Variants in RYR2 observed in about 807,000 individuals in gnomAD.
RYR2 encodes ryanodine receptor 2, also known as cardiac muscle ryanodine receptor-calcium release channel.
Under a neutral mutation model 601.1 loss-of-function variants are expected in RYR2, and 227 were observed. The ratio of observed to expected loss-of-function variants is 0.38; its 90% CI spans 0.34 to 0.42. The LOEUF is 0.42. Among genes scored for constraint, RYR2 ranks in the 10% least tolerant of loss-of-function variants. The probability of loss-of-function intolerance (pLI) is 1.00; values close to 1 mark genes in which losing one functional copy is unlikely to be tolerated. For missense variants in RYR2, 4,646 were observed against 6,156.5 expected (o/e 0.75, Z 8.21); for synonymous variants, 2,223 against 2,175.1 (o/e 1.02, Z -0.61).
At chr1:237,139,552 T>C (rs566260687) in intron 1 of RYR2, among the ~76,000 whole-genome samples, 189 of 152,322 alleles carry the variant, frequency 1.2e-3, no homozygotes, top group African/African-American at 4.5e-3. Context: ...GAGATCATAG[T>C]CTTACATGAT....
intron 1 of RYR2, among the ~76,000 whole-genome samples, chr1:237,165,778 G>T (rs1407122768): frequency 2.0e-5 from 3 of 152,018 alleles, no homozygotes; most frequent in Non-Finnish European, 2.9e-5. Context: ...GAGGCGGGAG[G>T]ATCACTTGAG....
At chr1:237,588,286 T>A (rs548629970) in intron 29 of RYR2, among the ~76,000 whole-genome samples, 2 of 152,338 alleles carry the variant, frequency 1.3e-5, no homozygotes, top group African/African-American at 2.4e-5. Context: ...TTATGAATTA[T>A]TGGATGTAAT....
intron 1 of RYR2, among the ~76,000 whole-genome samples, chr1:237,191,162 A>C (rs1472675740): frequency 6.6e-6 from 1 of 152,112 alleles, no homozygotes; most frequent in African/African-American, 2.4e-5. Flanking sequence ...CATTTTGTTG[A>C]AGAGACTGTC....
chr1:237,565,217 TTCTTTCTTTTG>T (rs1671933324), intron 27 of RYR2, among the ~76,000 whole-genome samples: 2 of 142,118 alleles, frequency 1.4e-5, no homozygotes, highest in South Asian at 2.2e-4. Context: ...CTTTCTTTCT[TTCTTTCTTTTG>T]TCTTTCTTTC....
At chr1:237,779,927 G>A (rs1220626669) in intron 88 of RYR2, among the ~76,000 whole-genome samples, 2 of 151,966 alleles carry the variant, frequency 1.3e-5, no homozygotes, top group Non-Finnish European at 2.9e-5. Context: ...GTTCATTGGT[G>A]TAAATGTGAT....
Position 237,717,191 on chromosome 1 carries a change from T to G in RYR2, c.10324-7T>G. The G allele has an allele frequency of 6.2e-7, 1 of 1,612,930 alleles. No homozygotes were observed. The highest frequency in any genetic ancestry group is 8.5e-7 in the Non-Finnish European group (1 of 1,179,316). On this transcript the variant is annotated splice_polypyrimidine_tract_variant and splice_region_variant and intron_variant, in intron 71 of 104. Coordinates refer to ENST00000366574, the MANE Select transcript of RYR2 (RefSeq NM_001035.3). The stretch of plus-strand genomic sequence containing the variant: ...TTCAGATCCCAGCACTTCTCTTTGT[T>G]CCATAGGCAGCTGTTTCTGATCAGG...
chr1:237,325,928 A>G (rs1696129873), intron 2 of RYR2, among the ~76,000 whole-genome samples: 1 of 152,136 alleles, frequency 6.6e-6, no homozygotes, highest in Non-Finnish European at 1.5e-5. Flanking sequence ...AATATAAGCA[A>G]AGGCATCAGG....
At chr1:237,264,526 G>A (rs1261474444) in intron 1 of RYR2, among the ~76,000 whole-genome samples, 1 of 152,076 alleles carries the variant, frequency 6.6e-6, no homozygotes, top group Non-Finnish European at 1.5e-5. Flanking sequence ...CAATGAAAGG[G>A]TAGTGCTGAT....
chr1:237,271,182 G>C (rs185797452), intron 2 of RYR2, among the ~76,000 whole-genome samples: 1 of 152,006 alleles, frequency 6.6e-6, no homozygotes, highest in Non-Finnish European at 1.5e-5. Context: ...AGGACAGAAA[G>C]ATTGTTGGTA....
rs1668029783 is a variant in RYR2, at chr1:237,530,412, G to T, written c.2823-15G>T. 3 of 1,585,976 alleles carry T rather than the reference G, an allele frequency of 1.9e-6. 1 individual carries two copies. The Middle Eastern group carries it at 5.0e-4, about 263-fold the overall frequency. On this transcript the variant is annotated splice_polypyrimidine_tract_variant and intron_variant, in intron 24 of 104. Coordinates refer to ENST00000366574, the MANE Select transcript of RYR2 (RefSeq NM_001035.3). ...AGAAGAAATGATCACACTTATCTCT[G>T]GTTTTGTTTTCCAGGACTTTGTTGG...
chr1:237,772,796 G>A (rs1204396159), intron 86 of RYR2, among the ~76,000 whole-genome samples: 1 of 151,794 alleles, frequency 6.6e-6, no homozygotes, highest in Non-Finnish European at 1.5e-5. Flanking sequence ...TTAATGTGGT[G>A]GGGGAAGGTG....
intron 24 of RYR2, 24 bp from the exon 25 acceptor site, chr1:237,530,403 C>G: frequency 6.4e-7 from 1 of 1,556,856 alleles, no homozygotes; most frequent in Non-Finnish European, 8.8e-7. Context: ...AATGATCACA[C>G]TTATCTCTGG....
At chr1:237,189,134 A>T (rs1276061182) in intron 1 of RYR2, among the ~76,000 whole-genome samples, 1 of 152,200 alleles carries the variant, frequency 6.6e-6, no homozygotes. Context: ...TGTGAGTGGA[A>T]TAATACAGCA....
At chr1:237,130,734 A>G (rs1383564192) in intron 1 of RYR2, among the ~76,000 whole-genome samples, 1 of 152,148 alleles carries the variant, frequency 6.6e-6, no homozygotes, top group Non-Finnish European at 1.5e-5. Context: ...AACTGACAGT[A>G]GACTAAGGTG....
intron 101 of RYR2, among the ~76,000 whole-genome samples, chr1:237,821,261 C>T (rs1662466804): frequency 6.6e-6 from 1 of 152,138 alleles, no homozygotes; most frequent in African/African-American, 2.4e-5. Context: ...CCGACAGACA[C>T]CTTATACAGG....
chr1:237,625,668 G>C lies in RYR2; in HGVS notation c.6030G>C (p.Glu2010Asp). The C allele has an allele frequency of 6.2e-7, 1 of 1,613,076 alleles. No individual in the cohort carries two copies. Reference sequence around the variant, plus strand: ...TCTGTTTTTTTATACTAGGAATTGAGCTGGATGAAGATGGGTCTCTGGATG... The same window carrying C: ...TCTGTTTTTTTATACTAGGAATTGACCTGGATGAAGATGGGTCTCTGGATG... Reference protein sequence around the residue: ...HEDLMTHCGIELDEDGSLDGN... With the variant: ...HEDLMTHCGIDLDEDGSLDGN... The change falls in exon 40 of 105, where the codon GAG (glutamate) becomes GAC (aspartate). Residue 2010 changes from glutamate to aspartate, a missense_variant. This residue lies in a region of RYR2 where 170 missense variants were observed against 184.5 expected (regional missense o/e 0.92). Transcript: ENST00000366574.
At position 237,819,270 on chromosome 1, in the gene RYR2, G is replaced by A; in HGVS notation, c.14590+78G>A. ...TTGCTGAAGTTAATATTCAAGGTAG[G>A]GTAATGACGTCAAGTGTTTCCTGGC... On this transcript the variant is annotated intron_variant, in intron 101 of 104. Coordinates refer to ENST00000366574, the MANE Select transcript of RYR2 (RefSeq NM_001035.3). This position sits in a 1 kb window ranked among gnomAD's most constrained non-coding sequence, Gnocchi z 4.0. 1.5e-6 allele frequency: 2 copies of A among 1,358,736 alleles called. No homozygotes were observed. Among genetic ancestry groups the A allele is most frequent in the Admixed American group, 1.8e-5 (1 of 56,138 alleles). The allele number at this position is 1,358,736 out of a possible 1,614,324, so 84.2% of individuals were successfully genotyped here.
chr1:237,198,184 A>G (rs1680772020), intron 1 of RYR2, among the ~76,000 whole-genome samples: 1 of 152,224 alleles, frequency 6.6e-6, no homozygotes, highest in Non-Finnish European at 1.5e-5. Context: ...TAGATGAGTC[A>G]GTTCTGGTCA....
intron 1 of RYR2, among the ~76,000 whole-genome samples, chr1:237,149,302 CAAACAAAAACAA>C (rs76484926): frequency 6.6e-6 from 1 of 150,536 alleles, no homozygotes; most frequent in Non-Finnish European, 1.5e-5. Flanking sequence ...CTACAAAAAA[CAAACAAAAACAA>C]AAACAAAAAC....
Sources: allele counts gnomAD v4.1 joint callset (sites outside exome capture counted in the v4.1 genomes callset), GRCh38; gene constraint gnomAD v4.1.1; regional missense constraint gnomAD v4.1.1; non-coding constraint Gnocchi (gnomAD v3.1); transcripts MANE v1.5; gene names NCBI Gene and HGNC (gene_info 2026-07-23, HGNC 2026-07-21).